SEC62: variants seen among roughly 807,000 people sequenced by gnomAD.
SEC62 encodes SEC62 preprotein translocation factor.
In SEC62, 10 loss-of-function variants were observed where a neutral mutation model predicts 47.5. The observed-to-expected ratio is 0.21, with a 90% CI of 0.13 to 0.36. The LOEUF is 0.36. Ranked by LOEUF, SEC62 falls within the 10% of genes least tolerant of loss-of-function variation. SEC62 has a pLI of 1.00. For synonymous variants in SEC62, 136 were observed against 150.5 expected, an observed-to-expected ratio of 0.90 and a Z score of 0.71; for missense variants, 327 against 464.1, an observed-to-expected ratio of 0.70 and a Z score of 2.71.
At chr3:169,984,736 G>A (rs1715058248) in intron 5 of SEC62, among the ~76,000 whole-genome samples, 1 of 152,120 alleles carries the variant, frequency 6.6e-6, no homozygotes, top group Non-Finnish European at 1.5e-5. Flanking sequence ...TAAAATAAGA[G>A]GTTAAAGTGG....
At chr3:169,982,261 T>C (rs1271404733) in intron 3 of SEC62, among the ~76,000 whole-genome samples, 2 of 152,162 alleles carry the variant, frequency 1.3e-5, no homozygotes, top group Non-Finnish European at 2.9e-5. Flanking sequence ...CCAAGAAAGC[T>C]GAAAAGACAT....
chr3:169,977,137 T>C, intron 3 of SEC62, 86 bp downstream of exon 3: 1 of 805,792 alleles, frequency 1.2e-6, no homozygotes, highest in South Asian at 2.0e-5. Context: ...TTAAATGTAG[T>C]GATACTACAA....
chr3:169,993,170 C>T lies in SEC62; in HGVS notation c.*107C>T, dbSNP rs2108289975. The T allele has an allele frequency of 1.2e-6, 1 of 804,026 alleles. No homozygotes were observed. 49.8% of individuals were successfully genotyped at this position (804,026 alleles called of 1,614,324 possible). A position where few individuals can be genotyped will look rare whatever the true frequency, so the allele number is the denominator to read the frequency against. ...CATTTGTAGCATTCTTTAAATCTAT[C>T]TACTGAAATGTATTTGACATTCAAG... On this transcript the variant is annotated 3_prime_UTR_variant, in exon 8 of 8. Transcript: ENST00000337002.
At chr3:169,983,079 C>T in intron 4 of SEC62, 82 bp from the exon 5 acceptor site, 2 of 1,443,872 alleles carry the variant, frequency 1.4e-6, no homozygotes, top group Non-Finnish European at 1.9e-6. Context: ...TACAAATAGT[C>T]AGTGAAAGTT....
intron 3 of SEC62, among the ~76,000 whole-genome samples, chr3:169,977,626 T>C (rs1260663074): frequency 6.6e-6 from 1 of 152,192 alleles, no homozygotes; most frequent in African/African-American, 2.4e-5. Context: ...AAAAAACTTT[T>C]GATGTTAAGT....
chr3:169,982,404 A>G (rs1714995164), intron 3 of SEC62, among the ~76,000 whole-genome samples: 1 of 152,110 alleles, frequency 6.6e-6, no homozygotes, highest in Non-Finnish European at 1.5e-5. Context: ...GATTATATGA[A>G]CCCAGAAAGA....
Position 169,994,161 on chromosome 3 carries a change from TAATG to T in SEC62, c.*1101_*1104del, listed in dbSNP as rs1715316491. ...TAAAATATCAAATTTAAAATAAAGA[TAATG>T]AAAGAAAACATAAGAGAACTATTGG... On this transcript the variant is annotated 3_prime_UTR_variant, in exon 8 of 8. Transcript: ENST00000337002. The T allele has an allele frequency of 6.6e-6, 1 of 152,640 alleles. No individual in the cohort carries two copies. The highest frequency in any genetic ancestry group is 2.1e-4 in the South Asian group (1 of 4,838). The allele number at this position is 152,640 out of a possible 1,614,324, so 9.5% of individuals were successfully genotyped here.
At chr3:169,979,894 G>T (rs1714930782) in intron 3 of SEC62, among the ~76,000 whole-genome samples, 1 of 151,938 alleles carries the variant, frequency 6.6e-6, no homozygotes, top group Admixed American at 6.6e-5. Context: ...AATTACCACA[G>T]TGTGAGCACT....
chr3:169,973,267 CAG>C (rs1421429297), intron 1 of SEC62, among the ~76,000 whole-genome samples: 5 of 152,056 alleles, frequency 3.3e-5, no homozygotes, highest in Non-Finnish European at 7.4e-5. Flanking sequence ...TTTATTATAT[CAG>C]AAAGTATATT....
intron 1 of SEC62, 150 bp from the exon 2 acceptor site, chr3:169,975,458 G>T (rs77472194): frequency 1.9e-6 from 1 of 513,048 alleles, no homozygotes; most frequent in Non-Finnish European, 3.5e-6. Context: ...TTTGTCTTTT[G>T]AATACTTTAT....
chr3:169,975,413 A>G (rs1714810859), intron 1 of SEC62, 195 bp from the exon 2 acceptor site: 1 of 434,136 alleles, frequency 2.3e-6, no homozygotes, highest in Non-Finnish European at 4.2e-6. Flanking sequence ...CTATCAACTT[A>G]TATTTGAAAA....
intron 1 of SEC62, 60 bp downstream of exon 1, chr3:169,966,918 G>A: frequency 1.6e-6 from 2 of 1,217,066 alleles, no homozygotes; most frequent in Admixed American, 2.6e-5. Context: ...AAGGGGCGGG[G>A]AAAGCCCCCT....
chr3:169,988,912 T>TA (rs1715169766), intron 7 of SEC62, among the ~76,000 whole-genome samples: 1 of 152,108 alleles, frequency 6.6e-6, no homozygotes, highest in Non-Finnish European at 1.5e-5. Context: ...ATGCAACATC[T>TA]AAATAATCTA....
At chr3:169,978,975 A>T (rs964406610) in intron 3 of SEC62, among the ~76,000 whole-genome samples, 7 of 152,226 alleles carry the variant, frequency 4.6e-5, no homozygotes, top group African/African-American at 1.7e-4. Flanking sequence ...GATGCATTTA[A>T]TGGAGCTATT....
chr3:169,967,616 C>A (rs750135026), intron 1 of SEC62, among the ~76,000 whole-genome samples: 1 of 152,124 alleles, frequency 6.6e-6, no homozygotes, highest in Non-Finnish European at 1.5e-5. Context: ...ATTCCACATG[C>A]GTGTCATTTG....
chr3:169,992,548 A>C lies in SEC62; in HGVS notation c.731-46A>C. ...TTTTATTAACAAATACTCCCTTCTG[A>C]GGCAGTGTTTGAATTACTCAATTAG... On this transcript the variant is annotated intron_variant, in intron 7 of 7. Coordinates refer to ENST00000337002, the MANE Select transcript of SEC62 (RefSeq NM_003262.4). The surrounding 1 kb of genome is among the most constrained non-coding windows in gnomAD (Gnocchi z 4.0). The C allele has an allele frequency of 7.7e-7, 1 of 1,301,094 alleles. No homozygotes were observed. The highest frequency in any genetic ancestry group is 1.3e-5 in the South Asian group (1 of 77,746). 80.6% of individuals were successfully genotyped at this position (1,301,094 alleles called of 1,614,324 possible).
At chr3:169,982,570 A>G in intron 3 of SEC62, 137 bp from the exon 4 acceptor site, 1 of 998,298 alleles carries the variant, frequency 1.0e-6, no homozygotes, top group Non-Finnish European at 1.6e-6. Flanking sequence ...CTACTTTTTC[A>G]CGGGCATACT....
chr3:169,974,076 C>T lies in SEC62; in HGVS notation c.37-1532C>T, dbSNP rs375527727. ...GACTTCTCTTAACTTTGGAAAAACC[C>T]AACATAGATAAGTTGGATAGATTCT... On this transcript the variant is annotated intron_variant, in intron 1 of 7. Transcript: ENST00000337002. 7.6e-4 allele frequency among the ~76,000 whole-genome samples: 116 copies of T among 152,306 alleles called. 3 individuals carry two copies. The South Asian group carries it at 0.023, about 31-fold the overall frequency.
At chr3:169,972,580 C>T (rs77536425) in intron 1 of SEC62, among the ~76,000 whole-genome samples, 3 of 114,936 alleles carry the variant, frequency 2.6e-5, no homozygotes, top group South Asian at 3.1e-4. Flanking sequence ...CTTTTTCTAT[C>T]TTTTTTTTTT....
Sources: gnomAD v4.1 joint callset for allele counts (sites outside exome capture counted in the v4.1 genomes callset) on GRCh38, gnomAD v4.1.1 for gene constraint, Gnocchi (gnomAD v3.1) non-coding constraint, MANE v1.5 for transcripts, NCBI Gene and HGNC (gene_info 2026-07-23, HGNC 2026-07-21) for gene names.